ATP10B: variants seen among roughly 807,000 people sequenced by gnomAD.
ATP10B encodes the protein phospholipid-transporting ATPase VB.
In ATP10B, 122 loss-of-function variants were observed where a neutral mutation model predicts 141.2. The observed-to-expected ratio is 0.86, with a 90% confidence interval of 0.75 to 1.00. ATP10B has a LOEUF of 1.00. Ranked by LOEUF, ATP10B falls within the 50% of genes least tolerant of loss-of-function variation. ATP10B has a pLI of 0.00. For synonymous variants in ATP10B, 685 were observed against 692.0 expected, an observed-to-expected ratio of 0.99 and a Z score of 0.16; for missense variants, 1,876 against 1,825.3, an observed-to-expected ratio of 1.03 and a Z score of -0.51.
intron 1 of ATP10B, among the ~76,000 whole-genome samples, chr5:160,825,003 G>T (rs1036997509): frequency 6.6e-6 from 1 of 151,926 alleles, no homozygotes; most frequent in Non-Finnish European, 1.5e-5. Context: ...CTAGCTTTAT[G>T]CTTTGCATTA....
At position 160,612,581 on chromosome 5, in the gene ATP10B, T is replaced by C. The variant is rs1365414804; in HGVS notation, c.2838+160A>G. On this transcript the variant is annotated intron_variant, in intron 18 of 25. Transcript: ENST00000327245. The stretch of plus-strand genomic sequence containing the variant: ...ATGAGATAAAGGATATTGGGCTGGA[T>C]GACTTCCAGGGTCCTCTAGACTCCA... The C allele has an allele frequency of 7.3e-6, 4 of 548,280 alleles. No individual in the cohort carries two copies. The East Asian group carries it at 1.2e-4, about 16-fold the overall frequency. 34.0% of individuals were successfully genotyped at this position (548,280 alleles called of 1,614,324 possible).
Position 160,736,050 on chromosome 5 carries a change from A to G in ATP10B, c.-330-19016T>C, listed in dbSNP as rs1029532869. On this transcript the variant is annotated intron_variant, in intron 2 of 25. Transcript: ENST00000327245. ...TATAAAGAGGAAAAACTTCAAGTAAACAATCTAATGATGCATCTTAAAGCA... is the reference window on the plus strand; with the variant it reads ...TATAAAGAGGAAAAACTTCAAGTAAGCAATCTAATGATGCATCTTAAAGCA... Among the ~76,000 whole-genome samples, 7 of 152,226 alleles carry G rather than the reference A, an allele frequency of 4.6e-5. 1 individual carries two copies. The highest frequency in any genetic ancestry group is 4.6e-4 in the Admixed American group (7 of 15,288).
At chr5:160,862,490 T>C in the ATP10B span, among the ~76,000 whole-genome samples, 3 of 151,968 alleles carry the variant, frequency 2.0e-5, no homozygotes, top group Non-Finnish European at 4.4e-5. Flanking sequence ...CCTACAGGTT[T>C]CTCTGGTTAA....
At chr5:160,783,713 T>C (rs1770929216) in intron 2 of ATP10B, among the ~76,000 whole-genome samples, 1 of 151,702 alleles carries the variant, frequency 6.6e-6, no homozygotes, top group Non-Finnish European at 1.5e-5. Context: ...AAGTATCTTT[T>C]TCGTATAATG....
chr5:160,876,750 C>T, the ATP10B span, among the ~76,000 whole-genome samples: 1 of 151,164 alleles, frequency 6.6e-6, no homozygotes, highest in Admixed American at 6.6e-5. Context: ...GAGAATACTA[C>T]AAACACCTCT....
chr5:160,602,800 A>G, intron 20 of ATP10B, 98 bp from the exon 21 acceptor site: 1 of 1,543,644 alleles, frequency 6.5e-7, no homozygotes, highest in Non-Finnish European at 8.8e-7. Flanking sequence ...GCCTACGGCC[A>G]GCAGAGTCCT....
intron 1 of ATP10B, among the ~76,000 whole-genome samples, chr5:160,789,340 G>A (rs1044956886): frequency 4.6e-5 from 7 of 152,140 alleles, no homozygotes; most frequent in African/African-American, 1.4e-4. Flanking sequence ...ACCATAGAGT[G>A]AACTTACACA....
chr5:160,595,207 C>T (rs1022326447), intron 22 of ATP10B, among the ~76,000 whole-genome samples: 12 of 152,194 alleles, frequency 7.9e-5, no homozygotes, highest in African/African-American at 2.9e-4. Context: ...GAGCACAGTG[C>T]AATCAAACTA....
At chr5:160,881,161 G>A in the ATP10B span, among the ~76,000 whole-genome samples, 1 of 152,128 alleles carries the variant, frequency 6.6e-6, no homozygotes, top group South Asian at 2.1e-4. Context: ...GATGTACAGA[G>A]GGCAAATAAG....
intron 3 of ATP10B, among the ~76,000 whole-genome samples, chr5:160,714,878 G>T (rs1293550542): frequency 6.8e-6 from 1 of 147,442 alleles, no homozygotes; most frequent in East Asian, 2.0e-4. Context: ...CCTGCCGTGT[G>T]AGGTGTCAGT....
chr5:160,691,645 A>G (rs909077237), intron 3 of ATP10B: 3 of 152,198 alleles, frequency 2.0e-5, no homozygotes, highest in African/African-American at 7.2e-5. Context: ...ATGATCACTT[A>G]GGAAAAAAAG....
chr5:160,694,789 G>T (rs186826807), intron 3 of ATP10B, among the ~76,000 whole-genome samples: 2 of 152,236 alleles, frequency 1.3e-5, no homozygotes, highest in Admixed American at 6.5e-5. Context: ...ATCCCTTTCT[G>T]CCTGAGCTTA....
the ATP10B span, among the ~76,000 whole-genome samples, chr5:160,889,660 G>A: frequency 3.6e-4 from 55 of 152,306 alleles, no homozygotes; most frequent in African/African-American, 1.3e-3. Flanking sequence ...GTGGGATACA[G>A]TAAATAAAGA....
chr5:160,791,951 G>A (rs1771602418), intron 1 of ATP10B, among the ~76,000 whole-genome samples: 3 of 152,104 alleles, frequency 2.0e-5, no homozygotes, highest in South Asian at 2.1e-4. Context: ...TGGGATGAAA[G>A]CTTTTCCCTT....
chr5:160,645,622 A>G (rs1047179447), intron 8 of ATP10B, among the ~76,000 whole-genome samples: 7 of 152,196 alleles, frequency 4.6e-5, no homozygotes, highest in African/African-American at 1.7e-4. Flanking sequence ...TCTGAGTCCA[A>G]TCAACTCTAG....
intron 2 of ATP10B, among the ~76,000 whole-genome samples, chr5:160,777,723 A>C (rs1770436991): frequency 6.6e-6 from 1 of 152,218 alleles, no homozygotes; most frequent in African/African-American, 2.4e-5. Flanking sequence ...AGTGAAAGCC[A>C]AGTATTTTTC....
intron 2 of ATP10B, among the ~76,000 whole-genome samples, chr5:160,777,249 C>T (rs1770401557): frequency 2.0e-5 from 3 of 152,226 alleles, no homozygotes; most frequent in Non-Finnish European, 4.4e-5. Flanking sequence ...GCATCCACAG[C>T]TCCATTTTCT....
intron 1 of ATP10B, among the ~76,000 whole-genome samples, chr5:160,822,339 C>G (rs1774172626): frequency 6.6e-6 from 1 of 151,982 alleles, no homozygotes; most frequent in African/African-American, 2.4e-5. Flanking sequence ...GTTAAAATGG[C>G]TTTTAACCAA....
intron 7 of ATP10B, among the ~76,000 whole-genome samples, chr5:160,667,403 T>C (rs1016240310): frequency 4.6e-5 from 7 of 152,118 alleles, no homozygotes; most frequent in African/African-American, 1.7e-4. Context: ...TTGGGTTGTT[T>C]TGAGGATAGA....
Sources: gnomAD v4.1 joint callset for allele counts (sites outside exome capture counted in the v4.1 genomes callset) on GRCh38, gnomAD v4.1.1 for gene constraint, MANE v1.5 for transcripts, NCBI Gene and HGNC (gene_info 2026-07-23, HGNC 2026-07-21) for gene names.